Variants in SSBP2 observed in about 807,000 individuals in gnomAD.
The protein encoded by SSBP2 is single-stranded DNA-binding protein 2.
A neutral mutation model predicts 61.8 loss-of-function variants in SSBP2; 17 were observed. That is an observed-to-expected ratio of 0.28 (90% CI 0.19 to 0.41). SSBP2 has a LOEUF of 0.41. SSBP2 is among the 10% of genes least tolerant of loss of function. The probability of loss-of-function intolerance (pLI) is 1.00; values close to 1 mark genes in which losing one functional copy is unlikely to be tolerated. For missense variants in SSBP2, 310 were observed against 458.7 expected (o/e 0.68, Z 2.96); for synonymous variants, 139 against 141.3 (o/e 0.98, Z 0.12).
intron 1 of SSBP2, among the ~76,000 whole-genome samples, chr5:81,653,394 G>A (rs1463762727): frequency 1.3e-5 from 2 of 152,172 alleles, no homozygotes; most frequent in African/African-American, 4.8e-5. Flanking sequence ...TGTGAATAGT[G>A]TTGCAATAAA....
At chr5:81,555,335 T>TTA (rs1290192939) in intron 4 of SSBP2, among the ~76,000 whole-genome samples, 2 of 152,078 alleles carry the variant, frequency 1.3e-5, no homozygotes, top group African/African-American at 4.8e-5. Flanking sequence ...TAAATGTGAT[T>TTA]TATAATTTAT....
At chr5:81,600,623 A>C (rs960780959) in intron 4 of SSBP2, among the ~76,000 whole-genome samples, 6 of 151,756 alleles carry the variant, frequency 4.0e-5, no homozygotes, top group Admixed American at 2.0e-4. Context: ...ATGTTCCATA[A>C]TAATTCTGGC....
At chr5:81,550,194 T>G (rs1265796604) in intron 4 of SSBP2, among the ~76,000 whole-genome samples, 1 of 152,244 alleles carries the variant, frequency 6.6e-6, no homozygotes, top group African/African-American at 2.4e-5. Context: ...GCTCCAAATC[T>G]GTTTTCTGAC....
At chr5:81,653,168 A>G (rs1749902361) in intron 1 of SSBP2, among the ~76,000 whole-genome samples, 1 of 150,892 alleles carries the variant, frequency 6.6e-6, no homozygotes, top group Non-Finnish European at 1.5e-5. Flanking sequence ...TCATTGTTCA[A>G]CTCCCACTTA....
intron 1 of SSBP2, among the ~76,000 whole-genome samples, chr5:81,655,630 C>T (rs113464440): frequency 1.1e-4 from 17 of 152,216 alleles, no homozygotes; most frequent in African/African-American, 3.6e-4. Flanking sequence ...TCACCACAGG[C>T]GCCTAAACTT....
At chr5:81,433,370 G>A (rs897108597) in intron 15 of SSBP2, among the ~76,000 whole-genome samples, 55 of 151,996 alleles carry the variant, frequency 3.6e-4, no homozygotes, top group Non-Finnish European at 6.5e-4. Context: ...GATTAAGGGC[G>A]GTGCAAGATG....
intron 1 of SSBP2, among the ~76,000 whole-genome samples, chr5:81,669,582 C>T (rs1751429971): frequency 6.6e-6 from 1 of 152,062 alleles, no homozygotes; most frequent in South Asian, 2.1e-4. Flanking sequence ...TGTTCTCACT[C>T]ATAACTGGGA....
intron 4 of SSBP2, among the ~76,000 whole-genome samples, chr5:81,540,540 T>C (rs1037976584): frequency 2.0e-5 from 3 of 152,242 alleles, no homozygotes; most frequent in South Asian, 2.1e-4. Context: ...ATAAATGTCT[T>C]CTTTCGAGAA....
intron 3 of SSBP2, among the ~76,000 whole-genome samples, chr5:81,620,483 T>C (rs1746468887): frequency 6.7e-6 from 1 of 150,344 alleles, no homozygotes; most frequent in Non-Finnish European, 1.5e-5. Flanking sequence ...GAACATTCCA[T>C]GCTCATGGGT....
intron 1 of SSBP2, among the ~76,000 whole-genome samples, chr5:81,694,257 A>G (rs972563327): frequency 6.6e-6 from 1 of 152,244 alleles, no homozygotes; most frequent in African/African-American, 2.4e-5. Context: ...AGCATTTGAT[A>G]GTACAACAGG....
At chr5:81,533,315 A>T (rs1286719197) in intron 4 of SSBP2, among the ~76,000 whole-genome samples, 3 of 152,050 alleles carry the variant, frequency 2.0e-5, no homozygotes, top group East Asian at 1.9e-4. Context: ...ATGGGAAATT[A>T]AAAAAAATTA....
intron 6 of SSBP2, among the ~76,000 whole-genome samples, chr5:81,479,291 C>T (rs1561449315): frequency 6.6e-6 from 1 of 151,644 alleles, no homozygotes; most frequent in South Asian, 2.1e-4. Flanking sequence ...ATGCATTGTT[C>T]TTTTTTTTGT....
chr5:81,574,604 A>T (rs1774069027), intron 4 of SSBP2, among the ~76,000 whole-genome samples: 2 of 152,150 alleles, frequency 1.3e-5, no homozygotes, highest in African/African-American at 4.8e-5. Flanking sequence ...ACAAAACCCA[A>T]GATAATTACA....
At chr5:81,431,296 A>G (rs1250737269) in intron 15 of SSBP2, among the ~76,000 whole-genome samples, 1 of 152,190 alleles carries the variant, frequency 6.6e-6, no homozygotes, top group Admixed American at 6.5e-5. Flanking sequence ...AGTTATTTCA[A>G]TGAATATGTA....
At chr5:81,491,206 T>A (rs1766830259) in intron 5 of SSBP2, among the ~76,000 whole-genome samples, 1 of 152,234 alleles carries the variant, frequency 6.6e-6, no homozygotes, top group Admixed American at 6.5e-5. Flanking sequence ...TATGACATAG[T>A]CATTAATTCA....
intron 4 of SSBP2, among the ~76,000 whole-genome samples, chr5:81,589,213 T>C (rs1775310414): frequency 6.6e-6 from 1 of 152,148 alleles, no homozygotes; most frequent in African/African-American, 2.4e-5. Context: ...GGGCAACTAA[T>C]AAATTAAAAG....
intron 4 of SSBP2, among the ~76,000 whole-genome samples, chr5:81,595,105 T>A (rs1486208594): frequency 6.6e-6 from 1 of 151,742 alleles, no homozygotes; most frequent in East Asian, 1.9e-4. Flanking sequence ...GCAAGACTAA[T>A]AAAGAAGAAG....
chr5:81,694,784 G>C (rs1753477466), intron 1 of SSBP2, among the ~76,000 whole-genome samples: 1 of 152,052 alleles, frequency 6.6e-6, no homozygotes, highest in South Asian at 2.1e-4. Flanking sequence ...AAACCAGCCT[G>C]GGCAACATAG....
intron 3 of SSBP2, among the ~76,000 whole-genome samples, chr5:81,622,968 T>C (rs575210343): frequency 6.6e-6 from 1 of 152,298 alleles, no homozygotes; most frequent in African/African-American, 2.4e-5. Flanking sequence ...ACAAAAATAA[T>C]TTAAATAAAT....
Sources: gnomAD v4.1 joint callset for allele counts (sites outside exome capture counted in the v4.1 genomes callset) on GRCh38, gnomAD v4.1.1 for gene constraint, MANE v1.5 for transcripts, NCBI Gene and HGNC (gene_info 2026-07-23, HGNC 2026-07-21) for gene names.